LRRIQ1: variants seen among roughly 807,000 people sequenced by gnomAD.
LRRIQ1 encodes leucine rich repeats and IQ motif containing 1, also known as leucine-rich repeat- and IQ domain-containing protein 1.
LRRIQ1 carries 210 observed loss-of-function variants against 211.9 expected under a neutral mutation model. The ratio of observed to expected loss-of-function variants is 0.99; its 90% confidence interval spans 0.89 to 1.11. LRRIQ1 has a LOEUF of 1.11. LRRIQ1 is among the 50% of genes most tolerant of loss of function. The pLI, the probability that LRRIQ1 is intolerant of heterozygous loss-of-function variation, is 0.00. For missense variants in LRRIQ1, 2,136 were observed against 1,939.5 expected (o/e 1.10, Z -1.90); for synonymous variants, 699 against 650.1 (o/e 1.08, Z -1.14).
At chr12:85,259,517 A>G (rs1384307718) in intron 1 of LRRIQ1, among the ~76,000 whole-genome samples, 2 of 152,120 alleles carry the variant, frequency 1.3e-5, no homozygotes, top group Non-Finnish European at 2.9e-5. Context: ...GGGAATTTAT[A>G]TGATAACAAA....
chr12:85,072,917 C>G lies in LRRIQ1; in HGVS notation c.2706C>G (p.Phe902Leu). The change falls in exon 11 of 27, where the codon TTC (phenylalanine) becomes TTG (leucine). Residue 902 changes from phenylalanine to leucine, a missense_variant. Transcript: ENST00000393217. ...YNKITRIGYS[F>L]FLEEKLVDNA... ...TGTCATCCTACTCAGGATATTCCTT[C>G]TTTCTGGAAGAAAAACTTGTTGACA... The G allele has an allele frequency of 6.2e-7, 1 of 1,607,138 alleles. No homozygotes were observed. Among genetic ancestry groups the G allele is most frequent in the Non-Finnish European group, 8.5e-7 (1 of 1,177,036 alleles).
chr12:85,215,916 A>C (rs1305340135), intron 24 of LRRIQ1, among the ~76,000 whole-genome samples: 1 of 152,220 alleles, frequency 6.6e-6, no homozygotes, highest in South Asian at 2.1e-4. Context: ...AAACAAAGCT[A>C]TAATATAGTG....
chr12:85,199,415 A>G (rs950467041), intron 24 of LRRIQ1, among the ~76,000 whole-genome samples: 1 of 152,010 alleles, frequency 6.6e-6, no homozygotes, highest in Non-Finnish European at 1.5e-5. Context: ...GTCAGATGGT[A>G]GTAGGTGTGT....
intron 24 of LRRIQ1, among the ~76,000 whole-genome samples, chr12:85,220,889 A>AC (rs963404422): frequency 1.4e-5 from 2 of 143,232 alleles, no homozygotes; most frequent in Admixed American, 1.5e-4. Flanking sequence ...CTCATTGCAA[A>AC]CCCCTCCCCC....
chr12:85,155,002 C>G (rs936212812), intron 23 of LRRIQ1, among the ~76,000 whole-genome samples: 1 of 150,904 alleles, frequency 6.6e-6, no homozygotes, highest in Non-Finnish European at 1.5e-5. Flanking sequence ...TCAGTAAATT[C>G]TAAGAACCAG....
At chr12:85,054,673 G>C (rs1006846060) in intron 7 of LRRIQ1, among the ~76,000 whole-genome samples, 1 of 151,662 alleles carries the variant, frequency 6.6e-6, no homozygotes, top group African/African-American at 2.4e-5. Context: ...TAAGTAATCA[G>C]CTATCCAGCC....
intron 11 of LRRIQ1, among the ~76,000 whole-genome samples, chr12:85,088,415 T>C (rs1159320783): frequency 1.3e-5 from 2 of 152,124 alleles, no homozygotes; most frequent in African/African-American, 4.8e-5. Flanking sequence ...CTTAGGATTG[T>C]GTTGGCAATG....
At chr12:85,044,152 A>G (rs1879245684) in intron 3 of LRRIQ1, among the ~76,000 whole-genome samples, 1 of 152,078 alleles carries the variant, frequency 6.6e-6, no homozygotes, top group Admixed American at 6.6e-5. Flanking sequence ...CTGTAAAGTT[A>G]GTTTGCTATT....
intron 11 of LRRIQ1, among the ~76,000 whole-genome samples, chr12:85,077,522 A>G (rs539158455): frequency 6.6e-6 from 1 of 152,176 alleles, no homozygotes; most frequent in East Asian, 1.9e-4. Flanking sequence ...AGGGGAAGAA[A>G]TATTGGATAT....
chr12:85,197,679 G>A (rs1170701152), intron 24 of LRRIQ1, among the ~76,000 whole-genome samples: 1 of 151,592 alleles, frequency 6.6e-6, no homozygotes, highest in Non-Finnish European at 1.5e-5. Flanking sequence ...GGACTGTTGT[G>A]GGGTGGTGGG....
At chr12:85,183,385 GA>G (rs907819938) in intron 24 of LRRIQ1, among the ~76,000 whole-genome samples, 3 of 149,978 alleles carry the variant, frequency 2.0e-5, no homozygotes, top group African/African-American at 4.9e-5. Context: ...CTTGTAGACT[GA>G]AAAAAAAATC....
intron 10 of LRRIQ1, among the ~76,000 whole-genome samples, chr12:85,071,565 T>TA (rs1883084946): frequency 6.6e-6 from 1 of 152,014 alleles, no homozygotes; most frequent in Non-Finnish European, 1.5e-5. Context: ...GGTCAAAAGA[T>TA]ACCTATAATT....
At position 85,065,482 on chromosome 12, in the gene LRRIQ1, A is replaced by T. The variant is rs1592726844; in HGVS notation, c.2544+68A>T. 6.3e-5 allele frequency: 79 copies of T among 1,260,398 alleles called. No homozygotes were observed. The East Asian group carries it at 2.2e-3, about 35-fold the overall frequency. 78.1% of individuals were successfully genotyped at this position (1,260,398 alleles called of 1,614,324 possible). On this transcript the variant is annotated intron_variant, in intron 9 of 26. Transcript: ENST00000393217. ...TAAAATGGATTTATGTTTACATTTC[A>T]GAAATGACCCTTTTGAAGAAACAAT... is the stretch of plus-strand genomic sequence containing the variant.
intron 11 of LRRIQ1, among the ~76,000 whole-genome samples, chr12:85,097,774 G>A (rs1886017719): frequency 6.6e-6 from 1 of 152,004 alleles, no homozygotes; most frequent in Admixed American, 6.6e-5. Flanking sequence ...AACCTTCTCA[G>A]TTTTTTCCTT....
chr12:85,203,560 A>G (rs1001268717), intron 24 of LRRIQ1, among the ~76,000 whole-genome samples: 12 of 152,156 alleles, frequency 7.9e-5, no homozygotes, highest in African/African-American at 2.4e-4. Context: ...AATATGGATA[A>G]TAAGGTCCAG....
At chr12:85,037,835 A>T (rs974940980) in intron 1 of LRRIQ1, among the ~76,000 whole-genome samples, 1 of 152,112 alleles carries the variant, frequency 6.6e-6, no homozygotes, top group Non-Finnish European at 1.5e-5. Context: ...CAACTCATGC[A>T]TACATACCTA....
chr12:85,234,574 G>A (rs1183378081), intron 26 of LRRIQ1, among the ~76,000 whole-genome samples: 2 of 152,124 alleles, frequency 1.3e-5, no homozygotes, highest in East Asian at 3.9e-4. Flanking sequence ...TAAAGGACCA[G>A]AGTAGGTATC....
At chr12:85,171,053 CAA>C (rs1452730568) in intron 24 of LRRIQ1, among the ~76,000 whole-genome samples, 2 of 152,014 alleles carry the variant, frequency 1.3e-5, no homozygotes, top group African/African-American at 2.4e-5. Context: ...ACAAGAGAAA[CAA>C]GAGACGATGT....
exon 2 of LRRIQ1, chr12:85,263,160 A>T (rs1180781639): frequency 2.9e-6 from 2 of 686,546 alleles, no homozygotes; most frequent in Non-Finnish European, 3.6e-6. Context: ...AGACTCCTAT[A>T]TTTAATTTGG....
Sources: gnomAD v4.1 joint callset for allele counts (sites outside exome capture counted in the v4.1 genomes callset) on GRCh38, gnomAD v4.1.1 for gene constraint, MANE v1.5 for transcripts, NCBI Gene and HGNC (gene_info 2026-07-23, HGNC 2026-07-21) for gene names.